The following MBP variants were observed in gnomAD, a reference collection of about 807,000 sequenced individuals.
The protein encoded by MBP is myelin basic protein, also known as Golli-MBP.
A neutral mutation model predicts 35.8 loss-of-function variants in MBP; 16 were observed. The observed-to-expected ratio is 0.45, with a 90% CI of 0.30 to 0.68. MBP has a LOEUF of 0.68. Among genes scored for constraint, MBP ranks in the 30% least tolerant of loss-of-function variants. The pLI, the probability that MBP is intolerant of heterozygous loss-of-function variation, is 0.08. For missense variants in MBP, 380 were observed against 404.7 expected (o/e 0.94, Z 0.52); for synonymous variants, 143 against 159.6 (o/e 0.90, Z 0.78).
chr18:77,058,416 C>T (rs908239412), intron 3 of MBP, among the ~76,000 whole-genome samples: 4 of 152,178 alleles, frequency 2.6e-5, no homozygotes, highest in African/African-American at 7.2e-5. Flanking sequence ...CAGCCAACGC[C>T]CCGCACAGCT....
intron 3 of MBP, among the ~76,000 whole-genome samples, chr18:77,040,641 T>G (rs1972954848): frequency 6.6e-6 from 1 of 152,180 alleles, no homozygotes; most frequent in Admixed American, 6.5e-5. Context: ...TCTACAACTA[T>G]CTGATCTTTC....
chr18:77,077,418 T>C (rs1974709254), intron 2 of MBP, among the ~76,000 whole-genome samples: 2 of 151,922 alleles, frequency 1.3e-5, no homozygotes, highest in Admixed American at 6.6e-5. Flanking sequence ...GAAAATACTT[T>C]CCCCTGCAAA....
intron 2 of MBP, among the ~76,000 whole-genome samples, chr18:77,079,577 T>C (rs1974807585): frequency 2.0e-5 from 3 of 152,222 alleles, no homozygotes; most frequent in Admixed American, 2.0e-4. Context: ...AGAAGAATAA[T>C]AAATATTATA....
intron 1 of MBP, chr18:77,115,292 G>T (rs1976622660): frequency 6.6e-6 from 1 of 152,240 alleles, no homozygotes; most frequent in South Asian, 2.1e-4. Flanking sequence ...ACCTGCCGAG[G>T]AACTCACACA....
At chr18:77,098,841 T>C (rs1204590011) in intron 2 of MBP, among the ~76,000 whole-genome samples, 1 of 152,216 alleles carries the variant, frequency 6.6e-6, no homozygotes, top group Non-Finnish European at 1.5e-5. Context: ...GGCCGTTCCT[T>C]GTTCCTCCTC....
At chr18:76,992,758 GGC>G (rs1970014359) in intron 4 of MBP, among the ~76,000 whole-genome samples, 1 of 152,080 alleles carries the variant, frequency 6.6e-6, no homozygotes, top group Non-Finnish European at 1.5e-5. Flanking sequence ...TGCTTCTGAG[GGC>G]CCTTCCCTCT....
intron 3 of MBP, among the ~76,000 whole-genome samples, chr18:77,038,931 G>C (rs533544867): frequency 3.5e-4 from 53 of 152,320 alleles, no homozygotes; most frequent in Non-Finnish European, 6.6e-4. Context: ...TCAGTGAGAG[G>C]CGTCTTCAAA....
chr18:77,079,905 G>A (rs911260410), intron 2 of MBP, among the ~76,000 whole-genome samples: 3 of 152,112 alleles, frequency 2.0e-5, no homozygotes, highest in African/African-American at 7.2e-5. Context: ...TACAGCAACC[G>A]GTACTGCAAC....
In MBP at chr18:77,112,169, G is replaced by GCGCACACACACACACACACA. The variant is rs370587502; in HGVS notation, c.-25-6884_-25-6883insTGTGTGTGTGTGTGTGTGCG. On this transcript the variant is annotated intron_variant, in intron 1 of 8. Coordinates refer to ENST00000355994, the MANE Select transcript of MBP (RefSeq NM_001025101.2). ...CCCGTAGAATGAACACCGTGCACAC[G>GCGCACACACACACACACACA]CACACACACACACACACACACGTGC... is the stretch of plus-strand genomic sequence containing the variant. Among the ~76,000 whole-genome samples, 97 of 150,992 alleles carry GCGCACACACACACACACACA rather than the reference G, an allele frequency of 6.4e-4. 1 individual carries two copies. Among genetic ancestry groups the GCGCACACACACACACACACA allele is most frequent in the African/African-American group, 2.2e-3 (90 of 41,092 alleles).
At chr18:77,012,073 T>C (rs1429147144) in intron 4 of MBP, among the ~76,000 whole-genome samples, 4 of 152,228 alleles carry the variant, frequency 2.6e-5, no homozygotes, top group Non-Finnish European at 4.4e-5. Flanking sequence ...AGGGAGGAGA[T>C]GAGTTAAGAC....
chr18:77,056,198 G>C (rs938121929), intron 3 of MBP, among the ~76,000 whole-genome samples: 1 of 152,210 alleles, frequency 6.6e-6, no homozygotes, highest in African/African-American at 2.4e-5. Context: ...CCTGTGCCTG[G>C]CCCGGTGTCC....
At chr18:76,997,761 C>T (rs1474338761) in intron 4 of MBP, among the ~76,000 whole-genome samples, 2 of 150,952 alleles carry the variant, frequency 1.3e-5, no homozygotes, top group African/African-American at 2.5e-5. Context: ...CGGCTCACTG[C>T]AAGCTCCGCC....
At chr18:77,104,453 G>A (rs928694571) in intron 2 of MBP, among the ~76,000 whole-genome samples, 1 of 152,304 alleles carries the variant, frequency 6.6e-6, no homozygotes, top group East Asian at 1.9e-4. Flanking sequence ...CTAGGAGAGG[G>A]CCAAGGAAAC....
intron 2 of MBP, among the ~76,000 whole-genome samples, chr18:77,082,379 T>C (rs1974986218): frequency 1.3e-5 from 2 of 152,130 alleles, no homozygotes; most frequent in Admixed American, 1.3e-4. Flanking sequence ...ATTCCATAAG[T>C]ATGAAAAGTC....
chr18:77,018,355 TA>T (rs1971768492), intron 3 of MBP, among the ~76,000 whole-genome samples: 1 of 85,156 alleles, frequency 1.2e-5, no homozygotes, highest in Non-Finnish European at 3.3e-5. Context: ...CATCCATCCA[TA>T]CACATACCCA....
chr18:76,992,138 C>T (rs1969965476), intron 4 of MBP, among the ~76,000 whole-genome samples: 1 of 152,186 alleles, frequency 6.6e-6, no homozygotes, highest in African/African-American at 2.4e-5. Flanking sequence ...CTACTCGATC[C>T]TCTTCAAAGC....
At chr18:77,084,427 CACA>C (rs1213088220) in intron 2 of MBP, among the ~76,000 whole-genome samples, 3 of 26,948 alleles carry the variant, frequency 1.1e-4, no homozygotes, top group Admixed American at 3.7e-4. Context: ...CCCGCCACAC[CACA>C]CCACACACAC....
chr18:77,009,817 C>T, intron 4 of MBP: 1 of 1,542,796 alleles, frequency 6.5e-7, no homozygotes, highest in Non-Finnish European at 8.8e-7. Context: ...TCACCCCTGG[C>T]CCCGATGGGT....
chr18:77,119,997 C>T (rs771394648), intron 1 of MBP, among the ~76,000 whole-genome samples: 3 of 152,160 alleles, frequency 2.0e-5, no homozygotes, highest in Non-Finnish European at 2.9e-5. Context: ...GACTCTCCTC[C>T]AGGGCAGACA....
Sources: allele counts gnomAD v4.1 joint callset (sites outside exome capture counted in the v4.1 genomes callset), GRCh38; gene constraint gnomAD v4.1.1; transcripts MANE v1.5; gene names NCBI Gene and HGNC (gene_info 2026-07-23, HGNC 2026-07-21).